Variants in CACNA1C observed in about 807,000 individuals in gnomAD.
The protein encoded by CACNA1C is voltage-dependent L-type calcium channel subunit alpha-1C.
A neutral mutation model predicts 229.0 loss-of-function variants in CACNA1C; 30 were observed. The observed-to-expected ratio is 0.13, with a 90% confidence interval of 0.10 to 0.18. The LOEUF (loss-of-function observed/expected upper bound fraction) is 0.18. CACNA1C is among the 10% of genes least tolerant of loss of function. The probability of loss-of-function intolerance (pLI) is 1.00; values close to 1 mark genes in which losing one functional copy is unlikely to be tolerated. For synonymous variants in CACNA1C, 1,114 were observed against 1,132.5 expected, an observed-to-expected ratio of 0.98 and a Z score of 0.33; for missense variants, 1,658 against 2,845.0, an observed-to-expected ratio of 0.58 and a Z score of 9.49.
chr12:2,078,286 G>C (rs115858433), intron 1 of CACNA1C, among the ~76,000 whole-genome samples: 1,866 of 152,332 alleles, frequency 0.012, 27 homozygotes, highest in African/African-American at 0.042. Context: ...TGGAGTTCCA[G>C]CCTCTAGAAC....
At chr12:2,578,193 T>G (rs900138101) in intron 13 of CACNA1C, among the ~76,000 whole-genome samples, 1 of 152,066 alleles carries the variant, frequency 6.6e-6, no homozygotes, top group Non-Finnish European at 1.5e-5. Context: ...TTGAGAGTAA[T>G]GAGGGATAGA....
intron 2 of CACNA1C, among the ~76,000 whole-genome samples, chr12:2,116,577 C>T (rs1397372669): frequency 6.6e-6 from 1 of 152,096 alleles, no homozygotes; most frequent in Non-Finnish European, 1.5e-5. Context: ...CCGTGTTAGC[C>T]AGGATGGTCT....
chr12:2,329,460 A>G (rs1439866466), intron 3 of CACNA1C, among the ~76,000 whole-genome samples: 1 of 152,190 alleles, frequency 6.6e-6, no homozygotes, highest in Non-Finnish European at 1.5e-5. Flanking sequence ...CCACCAGCCA[A>G]TGCAGTGAGG....
chr12:2,398,233 T>A (rs1049318957), intron 3 of CACNA1C, among the ~76,000 whole-genome samples: 3 of 152,244 alleles, frequency 2.0e-5, no homozygotes, highest in Non-Finnish European at 4.4e-5. Context: ...TGAAGGCCTC[T>A]TCCACATACG....
intron 3 of CACNA1C, among the ~76,000 whole-genome samples, chr12:2,286,855 C>G (rs1023122370): frequency 2.0e-5 from 3 of 152,220 alleles, no homozygotes; most frequent in Admixed American, 2.0e-4. Context: ...CTTCACTGTC[C>G]CAAAAGAATG....
chr12:2,672,786 A>T (rs1253939525), intron 38 of CACNA1C, among the ~76,000 whole-genome samples: 1 of 152,198 alleles, frequency 6.6e-6, no homozygotes, highest in Non-Finnish European at 1.5e-5. Flanking sequence ...GCAGACATGA[A>T]TTTTGGGAGG....
rs1330848275 is a variant in CACNA1C at position 1,971,960 on chromosome 12, C to T, written c.139+759C>T. Among the ~76,000 whole-genome samples the T allele has an allele frequency of 6.6e-6, 1 of 152,158 alleles. No homozygotes were observed. The highest frequency in any genetic ancestry group is 6.5e-5 in the Admixed American group (1 of 15,282). On this transcript the variant is annotated intron_variant, in intron 1 of 46. Coordinates refer to the CACNA1C transcript ENST00000682462. This position sits in a 1 kb window ranked among gnomAD's most constrained non-coding sequence, Gnocchi z 4.2. ...AAATTTTTAAAAGAAGATATATATC[C>T]ATTCAATTAGGAAGTGGATGATAAA... is the stretch of plus-strand genomic sequence containing the variant.
intron 3 of CACNA1C, among the ~76,000 whole-genome samples, chr12:2,323,806 C>G (rs564698681): frequency 4.8e-4 from 73 of 151,338 alleles, no homozygotes; most frequent in African/African-American, 1.8e-3. Context: ...TGTGGGAGTC[C>G]GTGCAGGGAG....
Position 2,634,335 on chromosome 12 carries a change from G to T in CACNA1C, c.3867G>T (p.Leu1289Phe). Residue 1289 changes from leucine to phenylalanine, a missense_variant, in exon 30 of 47, where the codon TTG becomes TTT. By Grantham distance (22) the Leu-to-Phe change is conservative. This residue lies in a region of CACNA1C where 38 missense variants were observed against 53.3 expected (regional missense o/e 0.71). Coordinates refer to ENST00000399655, the MANE Select transcript of CACNA1C (RefSeq NM_000719.7). The stretch of plus-strand genomic sequence containing the variant: ...ATGCATGGAATACATTTGACGCCTT[G>T]ATTGTTGTGGGTAGCATTGTTGATA... ...FCDAWNTFDA[L>F]IVVGSIVDIA... is the part of the protein sequence containing the mutation. 1 of 1,583,862 alleles carries T rather than the reference G, an allele frequency of 6.3e-7. No individual in the cohort carries two copies. Among genetic ancestry groups the T allele is most frequent in the South Asian group, 1.2e-5 (1 of 86,532 alleles).
Position 2,696,935 on chromosome 12 carries a change from T to C in CACNA1C, c.*5736T>C, listed in dbSNP as rs2097846669. The stretch of plus-strand genomic sequence containing the variant: ...GAGTCACAAGAGAAGCAAAAGAGGG[T>C]GGGTCACTGGGTCCTGGACATAGCC... On this transcript the variant is annotated 3_prime_UTR_variant, in exon 47 of 47. Transcript: ENST00000399655. The C allele has an allele frequency of 6.6e-6, 1 of 152,128 alleles. No homozygotes were observed. The highest frequency in any genetic ancestry group is 2.1e-4 in the South Asian group (1 of 4,818). 9.4% of individuals were successfully genotyped at this position (152,128 alleles called of 1,614,324 possible). A position where few individuals can be genotyped will look rare whatever the true frequency, so the allele number is the denominator to read the frequency against.
At chr12:2,562,898 T>C (rs1329340708) in intron 11 of CACNA1C, among the ~76,000 whole-genome samples, 1 of 152,204 alleles carries the variant, frequency 6.6e-6, no homozygotes, top group Non-Finnish European at 1.5e-5. Flanking sequence ...ATTCCAGTCT[T>C]TTAGTTTATT....
At chr12:2,335,304 C>T (rs1022012938) in intron 3 of CACNA1C, among the ~76,000 whole-genome samples, 2 of 152,126 alleles carry the variant, frequency 1.3e-5, no homozygotes, top group African/African-American at 2.4e-5. Flanking sequence ...TCCCACCTTC[C>T]GGAAGTCACT....
rs954353906 is a variant in CACNA1C at position 2,457,398 on chromosome 12, G to A, written c.618-169G>A. ...GCATGGCCACCACCCACACTGAGGG[G>A]ATGTCAGCTTACAACCACCCACAGA... On this transcript the variant is annotated intron_variant, in intron 4 of 46. Coordinates refer to ENST00000399655, the MANE Select transcript of CACNA1C (RefSeq NM_000719.7). 2.6e-5 allele frequency among the ~76,000 whole-genome samples: 4 copies of A among 152,224 alleles called. No homozygotes were observed. In the East Asian group the frequency reaches 7.7e-4, roughly 29 times the overall value.
intron 9 of CACNA1C, among the ~76,000 whole-genome samples, chr12:2,521,235 C>T (rs1038979669): frequency 2.6e-5 from 4 of 152,208 alleles, no homozygotes; most frequent in Non-Finnish European, 4.4e-5. Context: ...GGAACAGAGG[C>T]TGTGTGGAGG....
At chr12:2,334,232 A>G (rs2096628802) in intron 3 of CACNA1C, among the ~76,000 whole-genome samples, 1 of 152,258 alleles carries the variant, frequency 6.6e-6, no homozygotes, top group South Asian at 2.1e-4. Context: ...GTCTTATTCT[A>G]GAGGAGGCCC....
chr12:2,585,330 A>G lies in CACNA1C; in HGVS notation c.2340-46A>G. The G allele has an allele frequency of 1.3e-6, 2 of 1,588,306 alleles. No homozygotes were observed. The highest frequency in any genetic ancestry group is 2.4e-5 in the South Asian group (2 of 85,090). Reference sequence around the variant, plus strand: ...GTTCCCTCCTACACTGTTCCCTATCACTCCAGTAAACAGCCATTTATTTTT... The same window carrying G: ...GTTCCCTCCTACACTGTTCCCTATCGCTCCAGTAAACAGCCATTTATTTTT... On this transcript the variant is annotated intron_variant, in intron 16 of 46. Coordinates refer to ENST00000399655, the MANE Select transcript of CACNA1C (RefSeq NM_000719.7). This position sits in a 1 kb window ranked among gnomAD's most constrained non-coding sequence, Gnocchi z 4.1.
At chr12:2,627,430 A>C (rs1241427017) in intron 29 of CACNA1C, among the ~76,000 whole-genome samples, 1 of 151,876 alleles carries the variant, frequency 6.6e-6, no homozygotes, top group Non-Finnish European at 1.5e-5. Flanking sequence ...CTGAGACTTC[A>C]CCACCACCGC....
At chr12:2,356,011 C>A (rs778882876) in intron 3 of CACNA1C, among the ~76,000 whole-genome samples, 2 of 152,220 alleles carry the variant, frequency 1.3e-5, no homozygotes, top group African/African-American at 2.4e-5. Flanking sequence ...CAGGGTGAGA[C>A]ATTGCATTTA....
At chr12:2,362,876 A>C (rs527647917) in intron 3 of CACNA1C, among the ~76,000 whole-genome samples, 1 of 152,348 alleles carries the variant, frequency 6.6e-6, no homozygotes, top group East Asian at 1.9e-4. Context: ...AGGCAGACAC[A>C]GGAGAGCCTT....
Sources: gnomAD v4.1 joint callset for allele counts (sites outside exome capture counted in the v4.1 genomes callset) on GRCh38, gnomAD v4.1.1 for gene constraint, gnomAD v4.1.1 regional missense constraint, Gnocchi (gnomAD v3.1) non-coding constraint, MANE v1.5 for transcripts, NCBI Gene and HGNC (gene_info 2026-07-23, HGNC 2026-07-21) for gene names.